The following GALNT14 variants were observed in gnomAD, a reference collection of about 807,000 sequenced individuals.
GALNT14 encodes the protein polypeptide N-acetylgalactosaminyltransferase 14.
GALNT14 carries 60 observed loss-of-function variants against 77.5 expected under a neutral mutation model. The observed-to-expected ratio is 0.77, with a 90% CI of 0.63 to 0.96. The LOEUF (loss-of-function observed/expected upper bound fraction) is 0.96. Ranked by LOEUF, GALNT14 falls within the 40% of genes least tolerant of loss-of-function variation. The pLI is 0.00. For synonymous variants in GALNT14, 280 were observed against 281.7 expected, an observed-to-expected ratio of 0.99 and a Z score of 0.06; for missense variants, 710 against 731.0, an observed-to-expected ratio of 0.97 and a Z score of 0.33.
intron 1 of GALNT14, among the ~76,000 whole-genome samples, chr2:31,062,307 T>C (rs1300389600): frequency 1.3e-5 from 2 of 152,162 alleles, no homozygotes; most frequent in East Asian, 1.9e-4. Flanking sequence ...ACTGAGAACA[T>C]GTGGTGTTTG....
At chr2:30,957,665 G>C (rs1432080925) in intron 4 of GALNT14, among the ~76,000 whole-genome samples, 1 of 152,194 alleles carries the variant, frequency 6.6e-6, no homozygotes, top group Non-Finnish European at 1.5e-5. Context: ...CAGTGTGGGG[G>C]TGGCTCCCAA....
At chr2:31,096,118 T>C (rs552285506) in intron 1 of GALNT14, among the ~76,000 whole-genome samples, 1 of 152,304 alleles carries the variant, frequency 6.6e-6, no homozygotes, top group Admixed American at 6.5e-5. Flanking sequence ...TAACATGGAA[T>C]CACTCTGACT....
At chr2:31,133,341 T>A (rs1679078017) in intron 1 of GALNT14, among the ~76,000 whole-genome samples, 4 of 151,966 alleles carry the variant, frequency 2.6e-5, no homozygotes, top group Admixed American at 6.6e-5. Context: ...ATTAATAGGG[T>A]CTCTCTCTAA....
At chr2:31,081,831 A>G (rs116447727) in intron 1 of GALNT14, among the ~76,000 whole-genome samples, 3,387 of 151,242 alleles carry the variant, frequency 0.022, 59 homozygotes, top group Non-Finnish European at 0.028. Flanking sequence ...AAGGAAAACT[A>G]TTGATTTAAT....
downstream of GALNT14, among the ~76,000 whole-genome samples, chr2:30,907,308 G>A (rs915761401): frequency 5.9e-5 from 9 of 151,852 alleles, no homozygotes; most frequent in East Asian, 1.9e-4. Context: ...TTGATAGACC[G>A]CTAGCAAGAC....
intron 1 of GALNT14, among the ~76,000 whole-genome samples, chr2:31,073,988 C>T (rs1573303925): frequency 6.6e-6 from 1 of 152,154 alleles, no homozygotes; most frequent in East Asian, 1.9e-4. Context: ...TTTATTTGGG[C>T]CCTGAGTTCT....
intron 1 of GALNT14, among the ~76,000 whole-genome samples, chr2:31,089,745 G>A (rs147707739): frequency 6.2e-4 from 95 of 152,130 alleles, no homozygotes; most frequent in African/African-American, 2.1e-3. Flanking sequence ...GATCTGACAG[G>A]TAATGCTAGG....
At chr2:30,928,551 T>C (rs539023839) in intron 11 of GALNT14, among the ~76,000 whole-genome samples, 9 of 152,200 alleles carry the variant, frequency 5.9e-5, no homozygotes, top group Non-Finnish European at 8.8e-5. Context: ...TTCCTCAGAG[T>C]TGGGAGGATT....
chr2:31,038,634 C>T (rs1672912013), intron 1 of GALNT14, among the ~76,000 whole-genome samples: 2 of 152,002 alleles, frequency 1.3e-5, no homozygotes, highest in South Asian at 2.1e-4. Context: ...ATTTTCACAG[C>T]TATTGTTGTG....
chr2:30,894,220 AG>A, the GALNT14 span, among the ~76,000 whole-genome samples: 3 of 152,186 alleles, frequency 2.0e-5, no homozygotes, highest in African/African-American at 7.2e-5. Flanking sequence ...AGTTACAGGC[AG>A]GGTCTGAAGA....
At chr2:30,944,311 G>C (rs755918738) in intron 8 of GALNT14, among the ~76,000 whole-genome samples, 3 of 152,182 alleles carry the variant, frequency 2.0e-5, no homozygotes, top group Non-Finnish European at 4.4e-5. Context: ...GTCACAGTGG[G>C]GCCTGGGAGA....
At chr2:30,943,084 G>A (rs1024924804) in intron 8 of GALNT14, among the ~76,000 whole-genome samples, 1 of 152,194 alleles carries the variant, frequency 6.6e-6, no homozygotes, top group African/African-American at 2.4e-5. Flanking sequence ...TCAGAAGGAA[G>A]CAACCCTGTG....
At chr2:30,964,143 C>T (rs1667855641) in intron 3 of GALNT14, among the ~76,000 whole-genome samples, 1 of 152,140 alleles carries the variant, frequency 6.6e-6, no homozygotes, top group Non-Finnish European at 1.5e-5. Flanking sequence ...CAGGGAGAGG[C>T]CAGCCTGGAA....
At chr2:31,004,804 G>A (rs745796692) in intron 1 of GALNT14, among the ~76,000 whole-genome samples, 3 of 152,210 alleles carry the variant, frequency 2.0e-5, no homozygotes, top group Non-Finnish European at 4.4e-5. Flanking sequence ...TTAGCTCACT[G>A]CAAAGGACTG....
chr2:31,121,438 A>G (rs1353053945), intron 1 of GALNT14, among the ~76,000 whole-genome samples: 1 of 152,246 alleles, frequency 6.6e-6, no homozygotes, highest in Non-Finnish European at 1.5e-5. Flanking sequence ...ACTATAGACA[A>G]TAAAACCCTT....
intron 2 of GALNT14, among the ~76,000 whole-genome samples, chr2:30,989,493 C>T (rs1273695863): frequency 6.8e-6 from 1 of 148,070 alleles, no homozygotes; most frequent in African/African-American, 2.5e-5. Context: ...TCAGCCTACC[C>T]ACATACCCTG....
intron 1 of GALNT14, among the ~76,000 whole-genome samples, chr2:31,078,561 G>A (rs1232361701): frequency 6.6e-6 from 1 of 152,156 alleles, no homozygotes. Context: ...GCCTTCTAAA[G>A]GTTTCTCTTC....
intron 1 of GALNT14, among the ~76,000 whole-genome samples, chr2:31,026,578 A>T (rs1672069585): frequency 6.6e-6 from 1 of 152,160 alleles, no homozygotes; most frequent in Non-Finnish European, 1.5e-5. Flanking sequence ...TTCTAAAGAG[A>T]TTCCTGAGGC....
chr2:31,092,664 A>G (rs1192650205), intron 1 of GALNT14, among the ~76,000 whole-genome samples: 1 of 152,134 alleles, frequency 6.6e-6, no homozygotes, highest in Non-Finnish European at 1.5e-5. Flanking sequence ...CTGGAGACCC[A>G]TTTCAGTCAA....
Sources: allele counts gnomAD v4.1 joint callset (sites outside exome capture counted in the v4.1 genomes callset), GRCh38; gene constraint gnomAD v4.1.1; transcripts MANE v1.5; gene names NCBI Gene and HGNC (gene_info 2026-07-23, HGNC 2026-07-21).